NPR2: variants seen among roughly 807,000 people sequenced by gnomAD.
NPR2 encodes atrial natriuretic peptide receptor 2.
A neutral mutation model predicts 120.7 loss-of-function variants in NPR2; 49 were observed. That is an observed-to-expected ratio of 0.41 (90% CI 0.32 to 0.52). NPR2 has a LOEUF of 0.52. Among genes scored for constraint, NPR2 ranks in the 20% least tolerant of loss-of-function variants. The pLI is 0.36. For missense variants in NPR2, 931 were observed against 1,362.9 expected, an observed-to-expected ratio of 0.68 and a Z score of 4.99; for synonymous variants, 484 against 519.8, an observed-to-expected ratio of 0.93 and a Z score of 0.94.
chr9:35,794,636 AGAG>A (rs1827892722), intron 2 of NPR2, among the ~76,000 whole-genome samples: 1 of 152,176 alleles, frequency 6.6e-6, no homozygotes, highest in Non-Finnish European at 1.5e-5. Flanking sequence ...TCAGAGTGGG[AGAG>A]GAGATCCAAG....
rs1314424163 is a variant in NPR2, at chr9:35,793,041, G to A, written c.633G>A (p.Glu211=). Residue 211 remains glutamate, a synonymous_variant, in exon 1 of 22, where the codon GAG becomes GAA. Coordinates refer to ENST00000342694, the MANE Select transcript of NPR2 (RefSeq NM_003995.4). The stretch of plus-strand genomic sequence containing the variant: ...ATGCCCGAGAGCCAGGGGGCCCCGA[G>A]CAGGCCACCCACTTCATCCGGGCCA... ...QVYAREPGGP[E]QATHFIRANG... 2 of 1,605,596 alleles carry A rather than the reference G, an allele frequency of 1.2e-6. No homozygotes were observed. The highest frequency in any genetic ancestry group is 1.1e-5 in the South Asian group (1 of 90,896).
Position 35,808,876 on chromosome 9 carries a change from C to T in NPR2, c.2986+23C>T, listed in dbSNP as rs1267300955. 6 of 1,347,148 alleles carry T rather than the reference C, an allele frequency of 4.5e-6. No individual in the cohort carries two copies. The highest frequency in any genetic ancestry group is 6.4e-6 in the Non-Finnish European group (6 of 936,252). 83.4% of individuals were successfully genotyped at this position (1,347,148 alleles called of 1,614,324 possible). A position where few individuals can be genotyped will look rare whatever the true frequency, so the allele number is the denominator to read the frequency against. ...AAGGTAAGACATTAGCCCTCAACCCCACTGTTGGCCTCAATTTATCTTGCC... is the reference window on the plus strand; with the variant it reads ...AAGGTAAGACATTAGCCCTCAACCCTACTGTTGGCCTCAATTTATCTTGCC... On this transcript the variant is annotated intron_variant, in intron 20 of 21. Coordinates refer to ENST00000342694, the MANE Select transcript of NPR2 (RefSeq NM_003995.4). The surrounding 1 kb of genome is among the most constrained non-coding windows in gnomAD (Gnocchi z 4.0).
rs1481733786 is a variant in NPR2 at position 35,806,973 on chromosome 9, C to T, written c.2520-50C>T. ...GCCACATACACTTTCCCTCTCTCTT[C>T]CACTCCTGCTCTCTTGGAGTTTGGC... On this transcript the variant is annotated intron_variant, in intron 16 of 21. Transcript: ENST00000342694. The surrounding 1 kb of genome is among the most constrained non-coding windows in gnomAD (Gnocchi z 4.6). 4 of 1,607,378 alleles carry T rather than the reference C, an allele frequency of 2.5e-6. No homozygotes were observed. Among genetic ancestry groups the T allele is most frequent in the Admixed American group, 3.3e-5 (2 of 59,946 alleles).
chr9:35,805,991 A>T lies in NPR2; in HGVS notation c.2203+6A>T. 5 of 1,614,188 alleles carry T rather than the reference A, an allele frequency of 3.1e-6. No homozygotes were observed. Among genetic ancestry groups the T allele is most frequent in the Non-Finnish European group, 4.2e-6 (5 of 1,180,026 alleles). ...CCTGGACCTCAGCCCCAAAGGTAAGAGTCAATCCACTACCCACAGCCTCTT... is the reference window on the plus strand; with the variant it reads ...CCTGGACCTCAGCCCCAAAGGTAAGTGTCAATCCACTACCCACAGCCTCTT... On this transcript the variant is annotated splice_donor_region_variant and intron_variant, in intron 14 of 21. Transcript: ENST00000342694. This position sits in a 1 kb window ranked among gnomAD's most constrained non-coding sequence, Gnocchi z 4.9.
rs750456041 is a variant in NPR2, at chr9:35,802,842, A to C, written c.1887+39A>C. 7.6e-7 allele frequency: 1 copy of C among 1,314,132 alleles called. No individual in the cohort carries two copies. The highest frequency in any genetic ancestry group is 1.7e-5 in the Admixed American group (1 of 59,636). The allele number at this position is 1,314,132 out of a possible 1,614,324, so 81.4% of individuals were successfully genotyped here. A position where few individuals can be genotyped will look rare whatever the true frequency, so the allele number is the denominator to read the frequency against. ...ACTCCTTAAAAGTTCATCCACTTTA[A>C]ATCACTTCCACTGTTCTTTGATTGT... is the stretch of plus-strand genomic sequence containing the variant. On this transcript the variant is annotated intron_variant, in intron 12 of 21. Transcript: ENST00000342694. This position sits in a 1 kb window ranked among gnomAD's most constrained non-coding sequence, Gnocchi z 4.2.
chr9:35,793,103 T>C (rs766233101), intron 1 of NPR2, 28 bp downstream of exon 1: 1 of 1,565,114 alleles, frequency 6.4e-7, no homozygotes, highest in East Asian at 2.3e-5. Context: ...TATTTTAGGG[T>C]CATGGGAGGA....
rs555614149 is a variant in NPR2, at chr9:35,800,015, C to T, written c.988-7C>T. ...TTGGAGAGTACTGCTGAAGTTGCCA[C>T]CCCCAGATGAACCTCATCGCTGGCT... On this transcript the variant is annotated splice_polypyrimidine_tract_variant and splice_region_variant and intron_variant, in intron 3 of 21. Transcript: ENST00000342694. This position sits in a 1 kb window ranked among gnomAD's most constrained non-coding sequence, Gnocchi z 4.7. The T allele has an allele frequency of 1.1e-5, 17 of 1,613,714 alleles. No homozygotes were observed. In the South Asian group the frequency reaches 1.8e-4, roughly 17 times the overall value.
Position 35,805,768 on chromosome 9 carries a change from C to T in NPR2, c.2048-62C>T. On this transcript the variant is annotated intron_variant, in intron 13 of 21. Transcript: ENST00000342694. This position sits in a 1 kb window ranked among gnomAD's most constrained non-coding sequence, Gnocchi z 4.9. ...GGAGTGACAGTAATATAGGGATGAG[C>T]CCAGGTGGGCTTGGGGGTGCCCCAT... 3 of 1,607,090 alleles carry T rather than the reference C, an allele frequency of 1.9e-6. No homozygotes were observed. The highest frequency in any genetic ancestry group is 1.3e-5 in the African/African-American group (1 of 74,906).
Position 35,792,365 on chromosome 9 carries a change from G to A in NPR2, c.-44G>A. On this transcript the variant is annotated 5_prime_UTR_variant, in exon 1 of 22. Transcript: ENST00000342694. ...GCTCGCGTCTCCCCTGTAGGCCAGA[G>A]CAGCCCCAAGTTCTGGGGGCGGTGG... 1 of 1,591,130 alleles carries A rather than the reference G, an allele frequency of 6.3e-7. No homozygotes were observed. The highest frequency in any genetic ancestry group is 8.5e-7 in the Non-Finnish European group (1 of 1,170,884).
Position 35,800,720 on chromosome 9 carries a change from C to G in NPR2, c.1230C>G (p.His410Gln). ...LDSGDFQPAAHYSGAEKQIWW... is the reference protein window; with the variant it reads ...LDSGDFQPAAQYSGAEKQIWW... ...TTGCTTCCTTACAGCCTGCAGCCCA[C>G]TACTCGGGAGCTGAGAAGCAGATTT... is the stretch of plus-strand genomic sequence containing the variant. The change falls in exon 6 of 22, where the codon CAC becomes CAG. Residue 410 changes from histidine (H) to glutamine (Q), a missense_variant. This residue lies in a region of NPR2 where 681 missense variants were observed against 974.3 expected (regional missense o/e 0.70). Coordinates refer to ENST00000342694, the MANE Select transcript of NPR2 (RefSeq NM_003995.4). The surrounding 1 kb of genome is among the most constrained non-coding windows in gnomAD (Gnocchi z 4.7). 1 of 1,614,186 alleles carries G rather than the reference C, an allele frequency of 6.2e-7. No individual in the cohort carries two copies. Among genetic ancestry groups the G allele is most frequent in the Non-Finnish European group, 8.5e-7 (1 of 1,180,032 alleles).
At position 35,793,998 on chromosome 9, in the gene NPR2, T is replaced by C; in HGVS notation, c.768T>C (p.Asp256=). The change falls in exon 2 of 22, where the codon GAT becomes GAC. Residue 256 remains aspartate, a synonymous_variant. Coordinates refer to ENST00000342694, the MANE Select transcript of NPR2 (RefSeq NM_003995.4). Reference sequence around the variant, plus strand: ...GGGATTATGTCTTCTTTTACCTGGATGTCTTTGGGGAGAGTCTCCGTGCAG... The same window carrying C: ...GGGATTATGTCTTCTTTTACCTGGACGTCTTTGGGGAGAGTCTCCGTGCAG... The part of the protein sequence containing the change: ...TNGDYVFFYL[D]VFGESLRAGP... 6.2e-7 allele frequency: 1 copy of C among 1,614,230 alleles called. No homozygotes were observed. Among genetic ancestry groups the C allele is most frequent in the Non-Finnish European group, 8.5e-7 (1 of 1,180,036 alleles).
chr9:35,802,424 C>T lies in NPR2; in HGVS notation c.1711-79C>T, dbSNP rs1398606830. On this transcript the variant is annotated intron_variant, in intron 10 of 21. Transcript: ENST00000342694. This position sits in a 1 kb window ranked among gnomAD's most constrained non-coding sequence, Gnocchi z 4.2. Reference sequence around the variant, plus strand: ...TAGATACAACTAAGAGAAAGGTCCTCTTATGTAGTGGTAAGTTTCTGTATC... The same window carrying T: ...TAGATACAACTAAGAGAAAGGTCCTTTTATGTAGTGGTAAGTTTCTGTATC... 6.1e-6 allele frequency: 6 copies of T among 977,580 alleles called. No homozygotes were observed. Among genetic ancestry groups the T allele is most frequent in the Middle Eastern group, 2.1e-4 (1 of 4,876 alleles). The allele number at this position is 977,580 out of a possible 1,614,324, so 60.6% of individuals were successfully genotyped here.
chr9:35,800,428 G>A lies in NPR2; in HGVS notation c.1163G>A (p.Arg388Gln), dbSNP rs1828106198. ...GTTGTCATGGACAAGAACAATGACCGAGAGACTGACTTTGTCCTCTGGGCC... is the reference window on the plus strand; with the variant it reads ...GTTGTCATGGACAAGAACAATGACCAAGAGACTGACTTTGTCCTCTGGGCC... ...GLVVMDKNNDRETDFVLWAMG... is the reference protein window; with the variant it reads ...GLVVMDKNNDQETDFVLWAMG... The change falls in exon 5 of 22, where the codon CGA (arginine) becomes CAA (glutamine). Residue 388 changes from arginine (R) to glutamine (Q), a missense_variant. By Grantham distance (43) the Arg-to-Gln change is conservative. Transcript: ENST00000342694. The surrounding 1 kb of genome is among the most constrained non-coding windows in gnomAD (Gnocchi z 4.7). 1 of 1,614,126 alleles carries A rather than the reference G, an allele frequency of 6.2e-7. No individual in the cohort carries two copies. The highest frequency in any genetic ancestry group is 8.5e-7 in the Non-Finnish European group (1 of 1,179,980).
Position 35,800,951 on chromosome 9 carries a change from A to C in NPR2, c.1351+110A>C. The C allele has an allele frequency of 6.5e-7, 1 of 1,540,940 alleles. No homozygotes were observed. Among genetic ancestry groups the C allele is most frequent in the Non-Finnish European group, 9.0e-7 (1 of 1,113,396 alleles). ...ACTGTGCTTCTGCCTTTACGTCTGC[A>C]TCCCTCCCTCCTCATTTCTTCCTAC... On this transcript the variant is annotated intron_variant, in intron 6 of 21. Transcript: ENST00000342694. This position sits in a 1 kb window ranked among gnomAD's most constrained non-coding sequence, Gnocchi z 4.7.
In NPR2 at chr9:35,805,365, G is replaced by T; in HGVS notation, c.1888-146G>T. 2 of 803,694 alleles carry T rather than the reference G, an allele frequency of 2.5e-6. No homozygotes were observed. The highest frequency in any genetic ancestry group is 2.1e-6 in the Non-Finnish European group (1 of 470,700). The allele number at this position is 803,694 out of a possible 1,614,324, so 49.8% of individuals were successfully genotyped here. A position where few individuals can be genotyped will look rare whatever the true frequency, so the allele number is the denominator to read the frequency against. On this transcript the variant is annotated intron_variant, in intron 12 of 21. Transcript: ENST00000342694. The surrounding 1 kb of genome is among the most constrained non-coding windows in gnomAD (Gnocchi z 4.9). ...TCTGTTCTTCCTGCTTCCTTGGGTGGAAACTGCAAAGGATGCCTTCCAAAA... is the reference window on the plus strand; with the variant it reads ...TCTGTTCTTCCTGCTTCCTTGGGTGTAAACTGCAAAGGATGCCTTCCAAAA...
intron 2 of NPR2, among the ~76,000 whole-genome samples, chr9:35,795,270 T>C (rs1040438930): frequency 4.6e-5 from 7 of 152,194 alleles, no homozygotes; most frequent in Non-Finnish European, 7.3e-5. Flanking sequence ...TCCTTTTGTC[T>C]GGAATGCTCT....
chr9:35,806,207 T>C lies in NPR2; in HGVS notation c.2346T>C (p.Ile782=). 6.2e-7 allele frequency: 1 copy of C among 1,614,150 alleles called. No homozygotes were observed. Among genetic ancestry groups the C allele is most frequent in the East Asian group, 2.2e-5 (1 of 44,868 alleles). The change falls in exon 15 of 22, where the codon ATT becomes ATC. Residue 782 remains isoleucine (I), a synonymous_variant. Transcript: ENST00000342694. This position sits in a 1 kb window ranked among gnomAD's most constrained non-coding sequence, Gnocchi z 4.6. ...DPAERPDFGQ[I]KGFIRRFNKE... ...CTGAGCGGCCAGACTTTGGACAGAT[T>C]AAGGGCTTCATTCGGCGCTTTAACA...
At chr9:35,797,932 A>G (rs1166202961) in intron 2 of NPR2, among the ~76,000 whole-genome samples, 1 of 152,116 alleles carries the variant, frequency 6.6e-6, no homozygotes, top group African/African-American at 2.4e-5. Context: ...GTTACATGGC[A>G]TGATGATGTC....
intron 1 of NPR2, among the ~76,000 whole-genome samples, chr9:35,793,520 GAC>G (rs1290711264): frequency 6.6e-6 from 1 of 152,108 alleles, no homozygotes; most frequent in Non-Finnish European, 1.5e-5. Flanking sequence ...ATTTGGGAAA[GAC>G]AGATAAAGCT....
Sources: allele counts gnomAD v4.1 joint callset (sites outside exome capture counted in the v4.1 genomes callset), GRCh38; gene constraint gnomAD v4.1.1; regional missense constraint gnomAD v4.1.1; non-coding constraint Gnocchi (gnomAD v3.1); transcripts MANE v1.5; gene names NCBI Gene and HGNC (gene_info 2026-07-23, HGNC 2026-07-21).